The following CSMD1 variants were observed in gnomAD, a reference collection of about 807,000 sequenced individuals.
CSMD1 encodes CUB and sushi domain-containing protein 1.
CSMD1 carries 213 observed loss-of-function variants against 417.5 expected under a neutral mutation model. The ratio of observed to expected loss-of-function variants is 0.51; its 90% confidence interval spans 0.46 to 0.57. The LOEUF (loss-of-function observed/expected upper bound fraction) is 0.57, where lower values mean the gene tolerates loss of function less well. Ranked by LOEUF, CSMD1 falls within the 20% of genes least tolerant of loss-of-function variation. CSMD1 has a pLI of 0.00. For missense variants in CSMD1, 6,923 were observed against 4,529.7 expected (o/e 1.53, Z -15.17); for synonymous variants, 2,862 against 1,736.8 (o/e 1.65, Z -16.11).
At chr8:3,045,016 A>C (rs574611864) in intron 50 of CSMD1, among the ~76,000 whole-genome samples, 382 of 152,330 alleles carry the variant, frequency 2.5e-3, no homozygotes, top group African/African-American at 8.7e-3. Flanking sequence ...GTGAACAAAA[A>C]CAATCCCCCG....
intron 5 of CSMD1, among the ~76,000 whole-genome samples, chr8:3,962,295 C>A (rs539323464): frequency 2.7e-5 from 4 of 147,138 alleles, no homozygotes; most frequent in Admixed American, 2.1e-4. Context: ...CCTACACATT[C>A]AACTTGGGAT....
At chr8:4,164,406 T>C (rs936825219) in intron 3 of CSMD1, among the ~76,000 whole-genome samples, 1 of 152,180 alleles carries the variant, frequency 6.6e-6, no homozygotes, top group Non-Finnish European at 1.5e-5. Context: ...AGGTAAGTGA[T>C]GCTAATATCC....
At chr8:3,038,182 A>G (rs1049770710) in intron 50 of CSMD1, among the ~76,000 whole-genome samples, 1 of 152,212 alleles carries the variant, frequency 6.6e-6, no homozygotes, top group African/African-American at 2.4e-5. Context: ...ATGGAATCTG[A>G]TCTCAGCGAG....
chr8:4,443,563 C>G (rs1033274239), intron 2 of CSMD1, among the ~76,000 whole-genome samples: 2 of 152,104 alleles, frequency 1.3e-5, no homozygotes, highest in East Asian at 1.9e-4. Context: ...ACGTGTGGCT[C>G]AAGACACATG....
intron 1 of CSMD1, among the ~76,000 whole-genome samples, chr8:4,982,139 G>T (rs944349601): frequency 6.6e-6 from 1 of 152,204 alleles, no homozygotes; most frequent in African/African-American, 2.4e-5. Context: ...TGGCTGCTTT[G>T]TGAGACCTTA....
intron 3 of CSMD1, among the ~76,000 whole-genome samples, chr8:4,053,696 T>C (rs1798549609): frequency 6.6e-6 from 1 of 152,054 alleles, no homozygotes; most frequent in South Asian, 2.1e-4. Context: ...ATCAAACAGC[T>C]CATCATGGCA....
intron 33 of CSMD1, among the ~76,000 whole-genome samples, chr8:3,197,779 G>T (rs6558735): frequency 0.2 from 31,019 of 152,006 alleles, 3,260 homozygotes; most frequent in South Asian, 0.31. Context: ...TACTTTTTAG[G>T]CTTCAATGGA....
At chr8:3,275,371 T>G (rs562391857) in intron 26 of CSMD1, among the ~76,000 whole-genome samples, 1 of 152,282 alleles carries the variant, frequency 6.6e-6, no homozygotes, top group East Asian at 1.9e-4. Flanking sequence ...ATTTTTTCCT[T>G]CATTTCACCT....
At chr8:4,838,970 A>C (rs1260583915) in intron 1 of CSMD1, among the ~76,000 whole-genome samples, 3 of 152,228 alleles carry the variant, frequency 2.0e-5, no homozygotes, top group African/African-American at 7.2e-5. Context: ...TAATTTTTTT[A>C]AACAATTACT....
chr8:3,634,026 A>G (rs1796913695), intron 7 of CSMD1, among the ~76,000 whole-genome samples: 1 of 150,876 alleles, frequency 6.6e-6, no homozygotes, highest in Non-Finnish European at 1.5e-5. Context: ...ATCTGGGATT[A>G]CTGTCAGTGA....
chr8:3,120,306 A>G (rs1161414454), intron 41 of CSMD1, among the ~76,000 whole-genome samples: 1 of 152,204 alleles, frequency 6.6e-6, no homozygotes, highest in Admixed American at 6.5e-5. Flanking sequence ...TGTGTTTTAT[A>G]TTAAAGCAAT....
At chr8:3,924,509 A>C (rs1423701233) in intron 5 of CSMD1, among the ~76,000 whole-genome samples, 3 of 152,132 alleles carry the variant, frequency 2.0e-5, no homozygotes, top group Non-Finnish European at 4.4e-5. Flanking sequence ...GATTCACTTG[A>C]TGGTTTCCCA....
At chr8:4,440,864 G>C (rs890736083) in intron 2 of CSMD1, among the ~76,000 whole-genome samples, 10 of 151,556 alleles carry the variant, frequency 6.6e-5, no homozygotes, top group African/African-American at 2.4e-4. Context: ...GGGAGTGGGG[G>C]TGAATGCCTA....
chr8:4,241,982 C>T (rs571173320), intron 3 of CSMD1, among the ~76,000 whole-genome samples: 1 of 152,290 alleles, frequency 6.6e-6, no homozygotes, highest in East Asian at 1.9e-4. Flanking sequence ...AACATGCCAA[C>T]AGTGCTTTAA....
chr8:4,808,305 A>G (rs1284108816), intron 1 of CSMD1, among the ~76,000 whole-genome samples: 1 of 152,186 alleles, frequency 6.6e-6, no homozygotes, highest in Non-Finnish European at 1.5e-5. Flanking sequence ...TTTGCTTTAA[A>G]GAAAGTGTGT....
chr8:4,089,855 G>T (rs1010670785), intron 3 of CSMD1, among the ~76,000 whole-genome samples: 1 of 152,086 alleles, frequency 6.6e-6, no homozygotes, highest in African/African-American at 2.4e-5. Flanking sequence ...AATGGTGGTG[G>T]GATCTCACCA....
chr8:4,419,838 A>G (rs1797146465), intron 3 of CSMD1, 115 bp downstream of exon 3: 2 of 692,204 alleles, frequency 2.9e-6, no homozygotes, highest in African/African-American at 1.8e-5. Flanking sequence ...CCAAATGTCT[A>G]CACCACGGAA....
chr8:3,891,267 T>G (rs1419480282), intron 5 of CSMD1, among the ~76,000 whole-genome samples: 2 of 152,068 alleles, frequency 1.3e-5, no homozygotes, highest in African/African-American at 4.8e-5. Flanking sequence ...CAGGCTAGTC[T>G]CAAAAATTCC....
At chr8:3,718,981 G>C (rs78020510) in intron 6 of CSMD1, among the ~76,000 whole-genome samples, 14 of 152,060 alleles carry the variant, frequency 9.2e-5, no homozygotes, top group African/African-American at 3.1e-4. Context: ...AAGCGCAAAG[G>C]GGGAGGCAGA....
Sources: gnomAD v4.1 joint callset for allele counts (sites outside exome capture counted in the v4.1 genomes callset) on GRCh38, gnomAD v4.1.1 for gene constraint, MANE v1.5 for transcripts, NCBI Gene and HGNC (gene_info 2026-07-23, HGNC 2026-07-21) for gene names.